Variants in ECM2 observed in about 807,000 individuals in gnomAD.
ECM2 encodes extracellular matrix protein 2, also known as extracellular matrix protein 2, female organ and adipocyte specific.
A neutral mutation model predicts 67.5 loss-of-function variants in ECM2; 57 were observed. That is an observed-to-expected ratio of 0.84 (90% confidence interval 0.68 to 1.05). ECM2 has a LOEUF of 1.05. Among genes scored for constraint, ECM2 ranks in the 50% least tolerant of loss-of-function variants. ECM2 has a pLI of 0.00. For missense variants in ECM2, 741 were observed against 822.8 expected (o/e 0.90, Z 1.22); for synonymous variants, 258 against 294.5 (o/e 0.88, Z 1.27).
the ECM2 span, among the ~76,000 whole-genome samples, chr9:92,553,268 A>G: frequency 5.3e-5 from 8 of 152,168 alleles, no homozygotes; most frequent in East Asian, 1.9e-4. Flanking sequence ...CCATTGGTCT[A>G]TATGCCTATT....
chr9:92,555,955 G>C, the ECM2 span, among the ~76,000 whole-genome samples: 1 of 151,882 alleles, frequency 6.6e-6, no homozygotes, highest in Non-Finnish European at 1.5e-5. Flanking sequence ...GTTTGTTCTT[G>C]TTTCTCTAGT....
intron 8 of ECM2, among the ~76,000 whole-genome samples, chr9:92,501,465 G>A (rs1846672383): frequency 6.6e-6 from 1 of 152,186 alleles, no homozygotes; most frequent in Admixed American, 6.5e-5. Flanking sequence ...AGTTTGGTTT[G>A]TTTTGGCTTG....
Position 92,496,254 on chromosome 9 carries a change from A to G in ECM2, c.*61T>C. On this transcript the variant is annotated 3_prime_UTR_variant, in exon 10 of 10. Coordinates refer to ENST00000344604, the MANE Select transcript of ECM2 (RefSeq NM_001393.4). ...GAGGATTATGTCTCTCTTATTAATG[A>G]CAAATGCAGCTACTACAAATACATG... 1 of 1,512,580 alleles carries G rather than the reference A, an allele frequency of 6.6e-7. No homozygotes were observed. Among genetic ancestry groups the G allele is most frequent in the Non-Finnish European group, 8.8e-7 (1 of 1,141,140 alleles). The allele number at this position is 1,512,580 out of a possible 1,614,324, so 93.7% of individuals were successfully genotyped here.
intron 1 of ECM2, among the ~76,000 whole-genome samples, chr9:92,531,436 T>C (rs1016047892): frequency 6.6e-6 from 1 of 152,214 alleles, no homozygotes; most frequent in African/African-American, 2.4e-5. Flanking sequence ...TTTAATTATA[T>C]ATGTATTTTT....
chr9:92,549,602 G>A, the ECM2 span, among the ~76,000 whole-genome samples: 3 of 149,988 alleles, frequency 2.0e-5, no homozygotes, highest in East Asian at 2.0e-4. Context: ...AGCCAAGATC[G>A]CGCCACTGCA....
At chr9:92,505,456 T>C in intron 7 of ECM2, 77 bp downstream of exon 7, 1 of 1,252,552 alleles carries the variant, frequency 8.0e-7, no homozygotes, top group Non-Finnish European at 1.1e-6. Flanking sequence ...ATCACAATAG[T>C]CTTAAAATAT....
At chr9:92,545,196 G>A in the ECM2 span, among the ~76,000 whole-genome samples, 1 of 152,050 alleles carries the variant, frequency 6.6e-6, no homozygotes, top group South Asian at 2.1e-4. Context: ...TCCTTCCTGG[G>A]ATGGCCGAGG....
In ECM2 at chr9:92,495,885, A is replaced by T. The variant is rs1846319369; in HGVS notation, c.*430T>A. ...ATTGTTTTAATAATAAACAACACTTATTCATAAATTCTGCCTGCTTTTTTT... is the reference window on the plus strand; with the variant it reads ...ATTGTTTTAATAATAAACAACACTTTTTCATAAATTCTGCCTGCTTTTTTT... On this transcript the variant is annotated 3_prime_UTR_variant, in exon 10 of 10. Transcript: ENST00000344604. 1.0e-6 allele frequency: 1 copy of T among 981,978 alleles called. No individual in the cohort carries two copies. Among genetic ancestry groups the T allele is most frequent in the Middle Eastern group, 5.2e-4 (1 of 1,932 alleles). The allele number at this position is 981,978 out of a possible 1,614,324, so 60.8% of individuals were successfully genotyped here.
intron 5 of ECM2, among the ~76,000 whole-genome samples, chr9:92,511,404 C>A (rs1352703296): frequency 1.3e-5 from 2 of 150,826 alleles, no homozygotes; most frequent in Admixed American, 6.6e-5. Flanking sequence ...GGATTACAGG[C>A]ATGAGCCACT....
At chr9:92,511,911 A>T (rs1489498805) in intron 5 of ECM2, 100 bp downstream of exon 5, 2 of 811,428 alleles carry the variant, frequency 2.5e-6, no homozygotes, top group South Asian at 1.9e-5. Context: ...GAAGACTACC[A>T]ATTAGAAGCA....
the ECM2 span, among the ~76,000 whole-genome samples, chr9:92,547,462 T>C: frequency 6.6e-6 from 1 of 152,236 alleles, no homozygotes. Flanking sequence ...AAGGGAATAT[T>C]ATTTGGTAAT....
chr9:92,522,074 T>G (rs1310682037), intron 2 of ECM2, among the ~76,000 whole-genome samples: 1 of 151,664 alleles, frequency 6.6e-6, no homozygotes, highest in Non-Finnish European at 1.5e-5. Context: ...GGTTGTTTTG[T>G]TTTGTTTTGT....
At chr9:92,522,388 A>G (rs1319011186) in intron 2 of ECM2, among the ~76,000 whole-genome samples, 187 bp downstream of exon 2, 1 of 152,068 alleles carries the variant, frequency 6.6e-6, no homozygotes, top group Non-Finnish European at 1.5e-5. Context: ...GCCTGGCCCT[A>G]TTTTTTAAAT....
chr9:92,537,191 G>C (rs1047473991), upstream of ECM2, among the ~76,000 whole-genome samples: 2 of 151,570 alleles, frequency 1.3e-5, no homozygotes, highest in African/African-American at 2.4e-5. Flanking sequence ...TTCTTATATC[G>C]TTATTTCAGG....
Position 92,500,818 on chromosome 9 carries a change from A to C in ECM2, c.1840T>G (p.Phe614Val). ...YGAYHSLREL[F>V]LDHNDLKSIP... The stretch of plus-strand genomic sequence containing the variant: ...GATTTTAAGTCATTGTGATCCAGAA[A>C]TAATTCTCTCAGAGAATGATATGCC... The change falls in exon 9 of 10, where the codon TTT (phenylalanine) becomes GTT (valine). Residue 614 changes from phenylalanine (F) to valine (V), a missense_variant. Coordinates refer to ENST00000344604, the MANE Select transcript of ECM2 (RefSeq NM_001393.4). 1 of 1,614,234 alleles carries C rather than the reference A, an allele frequency of 6.2e-7. No individual in the cohort carries two copies. The highest frequency in any genetic ancestry group is 8.5e-7 in the Non-Finnish European group (1 of 1,180,042).
At chr9:92,517,556 C>T in intron 3 of ECM2, 131 bp downstream of exon 3, 1 of 1,213,894 alleles carries the variant, frequency 8.2e-7, no homozygotes, top group Non-Finnish European at 1.2e-6. Flanking sequence ...TGTTAATCAG[C>T]ATTTTGCCAA....
Position 92,495,831 on chromosome 9 carries a change from CA to C in ECM2, c.*483del, listed in dbSNP as rs1846316973. ...GTTATATTTATACCAGTAATTATAG[CA>C]CAGGACCTTATAAGAAATTAACAAA... On this transcript the variant is annotated 3_prime_UTR_variant, in exon 10 of 10. Transcript: ENST00000344604. 3 of 964,348 alleles carry C rather than the reference CA, an allele frequency of 3.1e-6. No homozygotes were observed. The highest frequency in any genetic ancestry group is 3.7e-6 in the Non-Finnish European group (3 of 810,964). The allele number at this position is 964,348 out of a possible 1,614,324, so 59.7% of individuals were successfully genotyped here.
chr9:92,542,100 T>C, the ECM2 span, among the ~76,000 whole-genome samples: 1 of 152,202 alleles, frequency 6.6e-6, no homozygotes, highest in Non-Finnish European at 1.5e-5. Flanking sequence ...CCTGTGATTT[T>C]ATTTCCTTTG....
At chr9:92,543,579 A>G in the ECM2 span, among the ~76,000 whole-genome samples, 2 of 151,584 alleles carry the variant, frequency 1.3e-5, no homozygotes, top group Admixed American at 1.3e-4. Flanking sequence ...TAAGAATGAC[A>G]TTGAAAAAAA....
Sources: gnomAD v4.1 joint callset for allele counts (sites outside exome capture counted in the v4.1 genomes callset) on GRCh38, gnomAD v4.1.1 for gene constraint, MANE v1.5 for transcripts, NCBI Gene and HGNC (gene_info 2026-07-23, HGNC 2026-07-21) for gene names.